The following LRRC4C variants were observed in gnomAD, a reference collection of about 807,000 sequenced individuals.
LRRC4C encodes leucine rich repeat containing 4C.
LRRC4C carries 5 observed loss-of-function variants against 33.6 expected under a neutral mutation model. The ratio of observed to expected loss-of-function variants is 0.15; its 90% CI spans 0.08 to 0.31. The LOEUF is 0.31. LRRC4C is among the 10% of genes least tolerant of loss of function. LRRC4C has a pLI of 1.00. For synonymous variants in LRRC4C, 329 were observed against 302.0 expected (o/e 1.09, Z -0.93); for missense variants, 560 against 796.7 (o/e 0.70, Z 3.58).
At chr11:41,334,458 G>T (rs1951388363) in intron 1 of LRRC4C, among the ~76,000 whole-genome samples, 1 of 151,992 alleles carries the variant, frequency 6.6e-6, no homozygotes, top group Non-Finnish European at 1.5e-5. Flanking sequence ...ATGACTAACT[G>T]ATTAAGTACT....
chr11:41,427,064 CT>C (rs1174225251), intron 1 of LRRC4C, among the ~76,000 whole-genome samples: 1 of 152,088 alleles, frequency 6.6e-6, no homozygotes, highest in Non-Finnish European at 1.5e-5. Flanking sequence ...TCTTATCTTT[CT>C]AGTTGAGAAA....
chr11:40,791,048 G>T (rs1950604082), intron 2 of LRRC4C, among the ~76,000 whole-genome samples: 1 of 152,134 alleles, frequency 6.6e-6, no homozygotes, highest in Non-Finnish European at 1.5e-5. Context: ...CTCAGTACCT[G>T]TCTGATGAAA....
intron 2 of LRRC4C, among the ~76,000 whole-genome samples, chr11:40,931,265 C>A (rs965235862): frequency 6.6e-6 from 1 of 152,134 alleles, no homozygotes; most frequent in Non-Finnish European, 1.5e-5. Flanking sequence ...CCTAAAACAG[C>A]TGCTTAGGGT....
intron 2 of LRRC4C, among the ~76,000 whole-genome samples, chr11:40,684,037 A>G (rs1243961545): frequency 6.6e-6 from 1 of 152,160 alleles, no homozygotes; most frequent in African/African-American, 2.4e-5. Context: ...CACAAATAAA[A>G]TCTCAGTAAA....
At chr11:40,782,624 G>C (rs1397661790) in intron 2 of LRRC4C, among the ~76,000 whole-genome samples, 1 of 152,050 alleles carries the variant, frequency 6.6e-6, no homozygotes, top group Non-Finnish European at 1.5e-5. Flanking sequence ...GTCTGAGTTT[G>C]GGCAAACAAA....
intron 3 of LRRC4C, among the ~76,000 whole-genome samples, chr11:40,582,094 T>C (rs1321151179): frequency 6.6e-6 from 1 of 152,142 alleles, no homozygotes; most frequent in Admixed American, 6.5e-5. Context: ...CAGAAAATAT[T>C]TATGTGTATT....
At chr11:40,618,589 C>A (rs1165336521) in intron 3 of LRRC4C, among the ~76,000 whole-genome samples, 1 of 151,756 alleles carries the variant, frequency 6.6e-6, no homozygotes, top group Non-Finnish European at 1.5e-5. Flanking sequence ...AGCCCCATTA[C>A]CTAACACAAT....
intron 2 of LRRC4C, among the ~76,000 whole-genome samples, chr11:40,727,823 C>T (rs78580190): frequency 4.6e-5 from 7 of 151,944 alleles, no homozygotes; most frequent in African/African-American, 1.2e-4. Flanking sequence ...CTCAGGTGGG[C>T]GGATCACCTG....
chr11:40,707,891 C>T (rs1946250039), intron 2 of LRRC4C, among the ~76,000 whole-genome samples: 1 of 152,050 alleles, frequency 6.6e-6, no homozygotes, highest in Non-Finnish European at 1.5e-5. Flanking sequence ...ATTTCAGAGC[C>T]TGTTATTGGT....
chr11:40,266,597 A>G (rs1409972167), intron 4 of LRRC4C, among the ~76,000 whole-genome samples: 1 of 152,160 alleles, frequency 6.6e-6, no homozygotes, highest in Non-Finnish European at 1.5e-5. Context: ...ATTATACTGA[A>G]GTATTATGTA....
chr11:40,152,209 C>T (rs547269003), intron 5 of LRRC4C, among the ~76,000 whole-genome samples: 68 of 152,252 alleles, frequency 4.5e-4, no homozygotes, highest in Middle Eastern at 3.4e-3. Context: ...GGTCTGTTTG[C>T]GGGAGAAGTT....
chr11:40,305,001 G>A lies in LRRC4C; in HGVS notation c.-176+14627C>T, dbSNP rs1011219938. Among the ~76,000 whole-genome samples, 9 of 152,220 alleles carry A rather than the reference G, an allele frequency of 5.9e-5. No homozygotes were observed. In the South Asian group the frequency reaches 8.3e-4, roughly 14 times the overall value. ...AGGATGGTCTCAATCTCTTGACCTC[G>A]TGATCTACCCTCCTTGGCCTCCCAA... On this transcript the variant is annotated intron_variant, in intron 4 of 6. Coordinates refer to ENST00000528697, the MANE Select transcript of LRRC4C (RefSeq NM_001258419.2).
At chr11:41,418,973 A>T (rs1176200221) in intron 1 of LRRC4C, among the ~76,000 whole-genome samples, 2 of 151,900 alleles carry the variant, frequency 1.3e-5, no homozygotes, top group African/African-American at 4.8e-5. Flanking sequence ...TTTAGTAAAA[A>T]TATGTTTAGA....
chr11:41,282,236 A>G (rs1172515330), intron 1 of LRRC4C, among the ~76,000 whole-genome samples: 1 of 152,212 alleles, frequency 6.6e-6, no homozygotes, highest in Non-Finnish European at 1.5e-5. Flanking sequence ...TAAGTGTGCT[A>G]TGAAAAGTGG....
chr11:40,266,993 A>G (rs1942321534), intron 4 of LRRC4C, among the ~76,000 whole-genome samples: 2 of 114,768 alleles, frequency 1.7e-5, no homozygotes, highest in Admixed American at 1.4e-4. Context: ...TCTCTTTGTC[A>G]AGGTCCAATT....
chr11:40,158,174 T>C (rs1312113320), intron 5 of LRRC4C, among the ~76,000 whole-genome samples: 2 of 152,118 alleles, frequency 1.3e-5, no homozygotes, highest in Non-Finnish European at 2.9e-5. Context: ...TGTGAAACCA[T>C]ACATCGTATG....
intron 1 of LRRC4C, among the ~76,000 whole-genome samples, chr11:41,304,887 C>T (rs1413989978): frequency 1.0e-5 from 1 of 96,508 alleles, no homozygotes; most frequent in Non-Finnish European, 2.3e-5. Flanking sequence ...GCCCTCCGCC[C>T]GGCCAGCCGC....
intron 3 of LRRC4C, among the ~76,000 whole-genome samples, chr11:40,415,179 A>G (rs1176589524): frequency 6.6e-6 from 1 of 152,186 alleles, no homozygotes; most frequent in African/African-American, 2.4e-5. Flanking sequence ...CTTTATGCAT[A>G]TATAATTACA....
chr11:41,135,289 G>A (rs1431441350), intron 1 of LRRC4C, among the ~76,000 whole-genome samples: 2 of 152,054 alleles, frequency 1.3e-5, no homozygotes, highest in African/African-American at 2.4e-5. Flanking sequence ...CAAGAATAGG[G>A]GAGGGGCAAA....
Sources: allele counts gnomAD v4.1 joint callset (sites outside exome capture counted in the v4.1 genomes callset), GRCh38; gene constraint gnomAD v4.1.1; transcripts MANE v1.5; gene names NCBI Gene and HGNC (gene_info 2026-07-23, HGNC 2026-07-21).